PTPRZ1: variants seen among roughly 807,000 people sequenced by gnomAD.
PTPRZ1 encodes receptor-type tyrosine-protein phosphatase zeta.
A neutral mutation model predicts 214.1 loss-of-function variants in PTPRZ1; 82 were observed. The ratio of observed to expected loss-of-function variants is 0.38; its 90% confidence interval spans 0.32 to 0.46. The LOEUF (loss-of-function observed/expected upper bound fraction) is 0.46, where lower values mean the gene tolerates loss of function less well. Ranked by LOEUF, PTPRZ1 falls within the 20% of genes least tolerant of loss-of-function variation. The pLI, the probability that PTPRZ1 is intolerant of heterozygous loss-of-function variation, is 1.00. For synonymous variants in PTPRZ1, 945 were observed against 987.9 expected, an observed-to-expected ratio of 0.96 and a Z score of 0.81; for missense variants, 2,603 against 2,748.7, an observed-to-expected ratio of 0.95 and a Z score of 1.19.
intron 18 of PTPRZ1, among the ~76,000 whole-genome samples, chr7:122,037,069 G>A (rs559428400): frequency 9.9e-5 from 15 of 152,014 alleles, no homozygotes; most frequent in African/African-American, 2.7e-4. Flanking sequence ...TCAGAAGATC[G>A]AGACCATCCT....
At chr7:121,908,548 T>A (rs1232806483) in intron 1 of PTPRZ1, 2 of 338,784 alleles carry the variant, frequency 5.9e-6, no homozygotes, top group African/African-American at 4.4e-5. Context: ...CATACTCCAG[T>A]CTTACAGGTC....
Position 122,019,180 on chromosome 7 carries a change from G to T in PTPRZ1, c.4900G>T (p.Glu1634Ter). Residue 1634 changes from glutamate to a stop codon, truncating the protein, a stop_gained, in exon 13 of 30, where the codon GAG becomes TAG. Coordinates refer to ENST00000393386, the MANE Select transcript of PTPRZ1 (RefSeq NM_002851.3). LOFTEE classifies it high-confidence loss of function. The part of the protein sequence containing the change: ...RIGLAEGLES[E>*]KKAVIPLVIV... ...TGGTCTAGCTGAGGGGTTGGAATCC[G>T]AGAAGAAGGCAGTTATACCCCTTGT... 1 of 1,611,940 alleles carries T rather than the reference G, an allele frequency of 6.2e-7. No individual in the cohort carries two copies. Among genetic ancestry groups the T allele is most frequent in the African/African-American group, 1.3e-5 (1 of 74,930 alleles).
Position 121,928,164 on chromosome 7 carries a change from A to G in PTPRZ1, c.67A>G (p.Asn23Asp). The G allele has an allele frequency of 6.2e-7, 1 of 1,611,634 alleles. No individual in the cohort carries two copies. The highest frequency in any genetic ancestry group is 8.5e-7 in the Non-Finnish European group (1 of 1,178,076). The change falls in exon 2 of 30, where the codon AAT (asparagine) becomes GAT (aspartate). Residue 23 changes from asparagine (N) to aspartate (D), a missense_variant. This residue lies in a region of PTPRZ1 where 141 missense variants were observed against 143.7 expected (regional missense o/e 0.98). Coordinates refer to ENST00000393386, the MANE Select transcript of PTPRZ1 (RefSeq NM_002851.3). ...GTTTTTCTTTTTTATAGATTGGGCT[A>G]ATGGATACTACAGACAACAGAGAAA... Reference protein sequence around the residue: ...LLCVCRLDWANGYYRQQRKLV... With the variant: ...LLCVCRLDWADGYYRQQRKLV...
At chr7:122,060,131 G>T (rs918134575) in intron 29 of PTPRZ1, among the ~76,000 whole-genome samples, 4 of 152,140 alleles carry the variant, frequency 2.6e-5, no homozygotes, top group African/African-American at 9.7e-5. Flanking sequence ...AGTAAACAAT[G>T]CAAATAAGCT....
At chr7:121,954,772 A>G (rs1468139415) in intron 2 of PTPRZ1, among the ~76,000 whole-genome samples, 1 of 152,262 alleles carries the variant, frequency 6.6e-6, no homozygotes, top group Non-Finnish European at 1.5e-5. Flanking sequence ...ATGAACAAAT[A>G]AAAGCTGCAA....
chr7:122,061,733 G>A lies in PTPRZ1; in HGVS notation c.*513G>A, dbSNP rs910162969. The stretch of plus-strand genomic sequence containing the variant: ...TAAATACTGCCCTAGTGTCTCCATG[G>A]ACCAAATTTATATTTATAATTGTAG... On this transcript the variant is annotated 3_prime_UTR_variant, in exon 30 of 30. Transcript: ENST00000393386. 6.6e-6 allele frequency: 1 copy of A among 152,432 alleles called. No individual in the cohort carries two copies. Among genetic ancestry groups the A allele is most frequent in the African/African-American group, 2.4e-5 (1 of 41,388 alleles). 9.4% of individuals were successfully genotyped at this position (152,432 alleles called of 1,614,324 possible).
intron 1 of PTPRZ1, among the ~76,000 whole-genome samples, chr7:121,910,741 G>T (rs943181869): frequency 3.9e-5 from 6 of 152,020 alleles, no homozygotes; most frequent in Non-Finnish European, 4.4e-5. Flanking sequence ...TTTGAGTTTG[G>T]GTAGAGGCAC....
In PTPRZ1 at chr7:122,061,070, T is replaced by C. The variant is rs1792561325; in HGVS notation, c.6808-10T>C. 6.3e-7 allele frequency: 1 copy of C among 1,577,378 alleles called. No individual in the cohort carries two copies. Among genetic ancestry groups the C allele is most frequent in the African/African-American group, 1.4e-5 (1 of 73,202 alleles). On this transcript the variant is annotated splice_polypyrimidine_tract_variant and intron_variant, in intron 29 of 29. Transcript: ENST00000393386. ...TTCGCATTTATTACCTCCCATCTTCTGTTCTCTAGGAGCAGTATCAGTTTC... is the reference window on the plus strand; with the variant it reads ...TTCGCATTTATTACCTCCCATCTTCCGTTCTCTAGGAGCAGTATCAGTTTC...
Position 122,017,538 on chromosome 7 carries a change from CATTTATTT to C in PTPRZ1, c.4844-1553_4844-1546del, listed in dbSNP as rs3069214. 3.0e-3 allele frequency among the ~76,000 whole-genome samples: 421 copies of C among 140,156 alleles called. 4 individuals are homozygous for C. The highest frequency in any genetic ancestry group is 0.01 in the African/African-American group (373 of 37,168). 91.9% of individuals were successfully genotyped at this position (140,156 alleles called of 152,430 possible). On this transcript the variant is annotated intron_variant, in intron 12 of 29. Coordinates refer to ENST00000393386, the MANE Select transcript of PTPRZ1 (RefSeq NM_002851.3). ...CCATTTATATTCCTGTGATACATTA[CATTTATTT>C]ATTTATTTATTTATTTATTTATTTA...
intron 28 of PTPRZ1, 84 bp from the exon 29 acceptor site, chr7:122,059,669 C>A: frequency 7.0e-7 from 1 of 1,435,088 alleles, no homozygotes; most frequent in Non-Finnish European, 9.2e-7. Flanking sequence ...GCAAAGTTGT[C>A]AAGGCTATAT....
chr7:121,962,449 A>AAATAAT (rs144574732), intron 2 of PTPRZ1, among the ~76,000 whole-genome samples: 5,687 of 148,388 alleles, frequency 0.038, 188 homozygotes, highest in African/African-American at 0.091. Context: ...CTCTGTCTCA[A>AAATAAT]AATAATAATA....
intron 11 of PTPRZ1, among the ~76,000 whole-genome samples, chr7:122,005,676 G>A (rs532342267): frequency 2.6e-5 from 4 of 151,890 alleles, no homozygotes; most frequent in South Asian, 4.2e-4. Flanking sequence ...ACATACAAGC[G>A]ATCAACAGAA....
At chr7:121,895,632 A>G (rs940091796) in intron 1 of PTPRZ1, among the ~76,000 whole-genome samples, 1 of 152,190 alleles carries the variant, frequency 6.6e-6, no homozygotes, top group African/African-American at 2.4e-5. Context: ...AGTGTTACAC[A>G]CTAGAAATAA....
rs1414777107 is a variant in PTPRZ1 at position 122,024,628 on chromosome 7, A to G, written c.4989-3924A>G. On this transcript the variant is annotated intron_variant, in intron 13 of 29. Transcript: ENST00000393386. ...TTTTTTTACTTACAAGCTTTTTGGTATTATTTATAAGGTCTTTTAGGGAAA... is the reference window on the plus strand; with the variant it reads ...TTTTTTTACTTACAAGCTTTTTGGTGTTATTTATAAGGTCTTTTAGGGAAA... 2.0e-5 allele frequency among the ~76,000 whole-genome samples: 3 copies of G among 151,476 alleles called. No individual in the cohort carries two copies. In the East Asian group the frequency reaches 5.8e-4, roughly 29 times the overall value.
At chr7:122,036,472 C>A (rs1799538500) in intron 17 of PTPRZ1, 128 bp from the exon 18 acceptor site, 4 of 658,040 alleles carry the variant, frequency 6.1e-6, no homozygotes, top group Non-Finnish European at 1.0e-5. Context: ...CCCCAAAAAG[C>A]CTATGAAAGT....
At chr7:121,938,564 A>G (rs1036793671) in intron 2 of PTPRZ1, among the ~76,000 whole-genome samples, 6 of 152,204 alleles carry the variant, frequency 3.9e-5, no homozygotes, top group Non-Finnish European at 2.9e-5. Flanking sequence ...GTGGAGCACC[A>G]TCTTCCTCGA....
intron 4 of PTPRZ1, 134 bp downstream of exon 4, chr7:121,972,826 A>G (rs1797299116): frequency 4.0e-6 from 3 of 744,082 alleles, no homozygotes; most frequent in South Asian, 3.8e-5. Flanking sequence ...TGATTAATAT[A>G]CTAGACTAAG....
intron 6 of PTPRZ1, among the ~76,000 whole-genome samples, chr7:121,980,525 C>G (rs554685667): frequency 3.3e-5 from 5 of 152,242 alleles, no homozygotes; most frequent in African/African-American, 1.2e-4. Flanking sequence ...TCAAAGAAAA[C>G]TTGAACTTTC....
intron 1 of PTPRZ1, among the ~76,000 whole-genome samples, chr7:121,883,312 A>G (rs897459887): frequency 2.0e-5 from 3 of 152,200 alleles, no homozygotes; most frequent in Non-Finnish European, 4.4e-5. Context: ...GGATTTTAGT[A>G]TATTTATAGT....
Sources: allele counts gnomAD v4.1 joint callset (sites outside exome capture counted in the v4.1 genomes callset), GRCh38; gene constraint gnomAD v4.1.1; regional missense constraint gnomAD v4.1.1; transcripts MANE v1.5; gene names NCBI Gene and HGNC (gene_info 2026-07-23, HGNC 2026-07-21).